DNASE1: variants seen among roughly 807,000 people sequenced by gnomAD.
The protein encoded by DNASE1 is deoxyribonuclease-1.
Under a neutral mutation model 33.9 loss-of-function variants are expected in DNASE1, and 40 were observed. The ratio of observed to expected loss-of-function variants is 1.18; its 90% CI spans 0.92 to 1.54. The LOEUF is 1.54. DNASE1 is among the 40% of genes most tolerant of loss of function. The pLI, the probability that DNASE1 is intolerant of heterozygous loss-of-function variation, is 0.00. For missense variants in DNASE1, 518 were observed against 372.6 expected, an observed-to-expected ratio of 1.39 and a Z score of -3.21; for synonymous variants, 216 against 160.0, an observed-to-expected ratio of 1.35 and a Z score of -2.64.
intron 1 of DNASE1, among the ~76,000 whole-genome samples, chr16:3,629,033 G>T (rs2041615319): frequency 6.6e-6 from 1 of 150,702 alleles, no homozygotes; most frequent in Non-Finnish European, 1.5e-5. Flanking sequence ...TTTGCCGGGT[G>T]TGATGGTGGG....
intron 1 of DNASE1, among the ~76,000 whole-genome samples, chr16:3,617,326 C>CAAAAAAAAAAAAAAAAAAAAAAAAAA (rs56670885): frequency 2.8e-4 from 16 of 57,714 alleles, no homozygotes; most frequent in African/African-American, 1.1e-3. Context: ...AACTCCATCT[C>CAAAAAAAAAAAAAAAAAAAAAAAAAA]AAAAAAAAAA....
intron 1 of DNASE1, among the ~76,000 whole-genome samples, chr16:3,643,862 C>T (rs974767790): frequency 3.3e-5 from 5 of 152,084 alleles, no homozygotes; most frequent in Middle Eastern, 3.2e-3. Flanking sequence ...TCCGGGTTCA[C>T]GCCATTCTCC....
At chr16:3,623,503 C>CTTCT (rs898992814) in intron 1 of DNASE1, among the ~76,000 whole-genome samples, 19 of 152,264 alleles carry the variant, frequency 1.2e-4, no homozygotes, top group African/African-American at 4.6e-4. Context: ...AATGAAAACA[C>CTTCT]TTCTACACAG....
At chr16:3,625,522 A>G (rs901056227) in intron 1 of DNASE1, among the ~76,000 whole-genome samples, 6 of 151,830 alleles carry the variant, frequency 4.0e-5, no homozygotes, top group Non-Finnish European at 5.9e-5. Context: ...GCTATTCAGT[A>G]GGCTGAAATG....
chr16:3,658,904 C>CACGTGCTGT (rs776333115), downstream of DNASE1: 30 of 1,601,172 alleles, frequency 1.9e-5, no homozygotes, highest in South Asian at 3.0e-4. Flanking sequence ...AGCTCAGTAC[C>CACGTGCTGT]ACGTGCTGTG....
At chr16:3,618,811 G>A (rs1380015551) in intron 1 of DNASE1, among the ~76,000 whole-genome samples, 1 of 152,182 alleles carries the variant, frequency 6.6e-6, no homozygotes, top group Admixed American at 6.5e-5. Flanking sequence ...ACAAAATGTA[G>A]TATAGAATGG....
In DNASE1 at chr16:3,648,999, C is replaced by T. The variant is rs79961763; in HGVS notation, c.-85-5962C>T. 8.3e-3 allele frequency among the ~76,000 whole-genome samples: 1,258 copies of T among 152,260 alleles called. 16 individuals are homozygous for T. The highest frequency in any genetic ancestry group is 0.049 in the East Asian group (256 of 5,186). On this transcript the variant is annotated intron_variant, in intron 1 of 9. Transcript: ENST00000407479. The stretch of plus-strand genomic sequence containing the variant: ...CCATCTACGATTTCCCAGTCTGGGT[C>T]GTACCGTGTCCCCATGGTGCTGTTG...
downstream of DNASE1, chr16:3,662,445 C>CGCTTGCATGCATGACCAAG: frequency 1.8e-6 from 1 of 542,782 alleles, no homozygotes; most frequent in Non-Finnish European, 3.3e-6. Flanking sequence ...CTCCAAGTGA[C>CGCTTGCATGCATGACCAAG]CATGCATGGG....
intron 1 of DNASE1, 122 bp from the exon 2 acceptor site, chr16:3,655,251 G>C: frequency 1.5e-6 from 2 of 1,373,322 alleles, no homozygotes; most frequent in Non-Finnish European, 1.0e-6. Context: ...GGTTTCCCCC[G>C]CCTGCGTCCC....
chr16:3,638,782 TG>T (rs1282323862), upstream of DNASE1, among the ~76,000 whole-genome samples: 2 of 152,252 alleles, frequency 1.3e-5, no homozygotes, highest in Non-Finnish European at 2.9e-5. Flanking sequence ...TTAGACAGCT[TG>T]ATAGTGTCCA....
chr16:3,624,103 C>A (rs910807566), intron 1 of DNASE1, among the ~76,000 whole-genome samples: 9 of 151,862 alleles, frequency 5.9e-5, no homozygotes, highest in Admixed American at 2.0e-4. Context: ...ATGGTGAAAC[C>A]CCGTCTCTAC....
At chr16:3,637,903 G>T (rs1243491313) in intron 1 of DNASE1, among the ~76,000 whole-genome samples, 1 of 152,106 alleles carries the variant, frequency 6.6e-6, no homozygotes, top group African/African-American at 2.4e-5. Flanking sequence ...CTGTGTCGGG[G>T]GCAGTCATTT....
intron 1 of DNASE1, among the ~76,000 whole-genome samples, chr16:3,635,212 C>G (rs943329581): frequency 6.6e-6 from 1 of 152,028 alleles, no homozygotes; most frequent in East Asian, 1.9e-4. Flanking sequence ...AATCCCAGCA[C>G]TTTGGGAGGC....
chr16:3,635,269 C>G (rs2151183407), intron 1 of DNASE1, among the ~76,000 whole-genome samples: 1 of 151,972 alleles, frequency 6.6e-6, no homozygotes, highest in East Asian at 1.9e-4. Flanking sequence ...ACCAGCCTGG[C>G]CAACATGGTG....
chr16:3,658,119 CCCCTGGCT>C, downstream of DNASE1: 1 of 1,613,428 alleles, frequency 6.2e-7, no homozygotes, highest in Non-Finnish European at 8.5e-7. Context: ...TCCTTCTGGC[CCCCTGGCT>C]GTCAGTGTCG....
In DNASE1 at chr16:3,663,668, T is replaced by G; in HGVS notation, c.*5715T>G. On this transcript the variant is annotated 3_prime_UTR_variant, in exon 10 of 10. Transcript: ENST00000407479. ...GCTGGGGGAGCCAAGCGGGCCACAC[T>G]GGGGAACACCGGGGCAGTTGGGGTT... The G allele has an allele frequency of 3.4e-6, 5 of 1,456,876 alleles. No homozygotes were observed. The South Asian group carries it at 6.3e-5, about 18-fold the overall frequency. 90.2% of individuals were successfully genotyped at this position (1,456,876 alleles called of 1,614,324 possible).
At chr16:3,663,714 A>G in exon 10 of DNASE1, 2 of 877,094 alleles carry the variant, frequency 2.3e-6, no homozygotes, top group Non-Finnish European at 3.4e-6. Flanking sequence ...CATGACAGTT[A>G]CTACGACACC....
chr16:3,631,181 C>G (rs1038537146), intron 1 of DNASE1, among the ~76,000 whole-genome samples: 5 of 151,984 alleles, frequency 3.3e-5, no homozygotes, highest in Non-Finnish European at 7.4e-5. Flanking sequence ...TGCCATCACA[C>G]CCAGCTAATT....
chr16:3,659,032 A>C (rs1398451237), downstream of DNASE1: 2 of 666,212 alleles, frequency 3.0e-6, no homozygotes, highest in Non-Finnish European at 5.0e-6. Context: ...TTATATACCC[A>C]GAAAACCCAA....
Sources: gnomAD v4.1 joint callset for allele counts (sites outside exome capture counted in the v4.1 genomes callset) on GRCh38, gnomAD v4.1.1 for gene constraint, MANE v1.5 for transcripts, NCBI Gene and HGNC (gene_info 2026-07-23, HGNC 2026-07-21) for gene names.